Variants in ELAVL4 observed in about 807,000 individuals in gnomAD.
ELAVL4 encodes the protein ELAV-like protein 4.
In ELAVL4, 1 loss-of-function variant was observed where a neutral mutation model predicts 35.6. The observed-to-expected ratio is 0.03, with a 90% CI of 0.01 to 0.13. The LOEUF is 0.13. Among genes scored for constraint, ELAVL4 ranks in the 10% least tolerant of loss-of-function variants. The pLI, the probability that ELAVL4 is intolerant of heterozygous loss-of-function variation, is 1.00. For missense variants in ELAVL4, 267 were observed against 464.9 expected (o/e 0.57, Z 3.91); for synonymous variants, 156 against 171.0 (o/e 0.91, Z 0.69).
chr1:50,142,143 A>G (rs965146287), intron 1 of ELAVL4, among the ~76,000 whole-genome samples: 1 of 152,212 alleles, frequency 6.6e-6, no homozygotes, highest in Non-Finnish European at 1.5e-5. Flanking sequence ...TGAGGCTCAG[A>G]GTATTGAAGT....
chr1:50,171,825 G>A (rs969699546), intron 2 of ELAVL4, among the ~76,000 whole-genome samples: 9 of 152,212 alleles, frequency 5.9e-5, no homozygotes, highest in Non-Finnish European at 1.2e-4. Flanking sequence ...CTCAGAATGG[G>A]CAGTGAAGGA....
intron 1 of ELAVL4, among the ~76,000 whole-genome samples, chr1:50,127,379 A>T (rs1416997366): frequency 6.6e-6 from 1 of 152,104 alleles, no homozygotes; most frequent in African/African-American, 2.4e-5. Flanking sequence ...GAGAGAGAGG[A>T]GTTGTCTGAA....
chr1:50,194,962 G>C (rs1272109803), intron 4 of ELAVL4, among the ~76,000 whole-genome samples: 2 of 152,192 alleles, frequency 1.3e-5, no homozygotes, highest in Non-Finnish European at 2.9e-5. Context: ...CCTCAATAGG[G>C]AATTTGGGGC....
At chr1:50,145,539 T>G (rs1307981863) in intron 2 of ELAVL4, among the ~76,000 whole-genome samples, 2 of 152,206 alleles carry the variant, frequency 1.3e-5, no homozygotes, top group Non-Finnish European at 2.9e-5. Flanking sequence ...TTTTTGCTCA[T>G]GTATTCTCCT....
chr1:50,190,215 GGCGC>G (rs2148869923), intron 3 of ELAVL4, among the ~76,000 whole-genome samples: 1 of 152,286 alleles, frequency 6.6e-6, no homozygotes, highest in East Asian at 1.9e-4. Flanking sequence ...GGTTCTCCAG[GGCGC>G]TGGCTCCAGT....
chr1:50,106,258 A>G (rs1038351427), upstream of ELAVL4: 1 of 1,563,214 alleles, frequency 6.4e-7, no homozygotes, highest in Non-Finnish European at 8.7e-7. Flanking sequence ...TGTGTGGGAA[A>G]GCTGGCTGCC....
chr1:50,163,476 T>C (rs1049213674), intron 2 of ELAVL4, among the ~76,000 whole-genome samples: 2 of 152,178 alleles, frequency 1.3e-5, no homozygotes, highest in African/African-American at 4.8e-5. Context: ...TGGGATACTT[T>C]GGGATATATA....
chr1:50,146,153 AGT>A (rs1673674648), intron 2 of ELAVL4, among the ~76,000 whole-genome samples: 1 of 128,330 alleles, frequency 7.8e-6, no homozygotes, highest in Admixed American at 7.6e-5. Context: ...ACTGTCCTAG[AGT>A]TTTTTTTTTT....
chr1:50,157,888 G>C (rs1030977156), intron 2 of ELAVL4, among the ~76,000 whole-genome samples: 3 of 152,162 alleles, frequency 2.0e-5, no homozygotes, highest in Admixed American at 2.0e-4. Flanking sequence ...AAACCAGAGA[G>C]GAAGAGGAGG....
At chr1:50,136,190 A>T (rs1240043504) in intron 1 of ELAVL4, among the ~76,000 whole-genome samples, 1 of 152,174 alleles carries the variant, frequency 6.6e-6, no homozygotes, top group African/African-American at 2.4e-5. Context: ...AAGGAGCAAG[A>T]AGAGAAGTGA....
intron 2 of ELAVL4, among the ~76,000 whole-genome samples, chr1:50,153,248 G>A (rs78391284): frequency 0.023 from 3,459 of 152,288 alleles, 78 homozygotes; most frequent in Non-Finnish European, 0.031. Flanking sequence ...GTCATTGGAA[G>A]GATGGTGAAA....
At chr1:50,048,241 C>T in intron 1 of ELAVL4, 1 of 1,454,460 alleles carries the variant, frequency 6.9e-7, no homozygotes, top group Non-Finnish European at 9.1e-7. Flanking sequence ...CTGTTACGGA[C>T]ACCCGCTGGG....
chr1:50,134,802 T>C (rs1004985991), intron 1 of ELAVL4, among the ~76,000 whole-genome samples: 1 of 152,062 alleles, frequency 6.6e-6, no homozygotes, highest in Non-Finnish European at 1.5e-5. Flanking sequence ...GGAGAGTTTG[T>C]TGTAAAAGTC....
At chr1:50,051,070 T>G (rs982660983) in intron 1 of ELAVL4, among the ~76,000 whole-genome samples, 4 of 152,180 alleles carry the variant, frequency 2.6e-5, no homozygotes, top group African/African-American at 9.7e-5. Flanking sequence ...CAAAAATTAT[T>G]AATAAAATGT....
intron 2 of ELAVL4, among the ~76,000 whole-genome samples, chr1:50,152,118 A>C (rs1285249743): frequency 6.6e-6 from 1 of 152,054 alleles, no homozygotes; most frequent in African/African-American, 2.4e-5. Context: ...CTTCTGACAC[A>C]ATTTTTTCCC....
intron 1 of ELAVL4, among the ~76,000 whole-genome samples, chr1:50,096,303 G>A (rs909496191): frequency 6.6e-6 from 1 of 151,112 alleles, no homozygotes; most frequent in Non-Finnish European, 1.5e-5. Context: ...GAAAGAACAA[G>A]CTAGTATGAA....
At chr1:50,159,938 G>A (rs951602951) in intron 2 of ELAVL4, among the ~76,000 whole-genome samples, 1 of 152,138 alleles carries the variant, frequency 6.6e-6, no homozygotes, top group Non-Finnish European at 1.5e-5. Flanking sequence ...ACTCCCAGGA[G>A]GAACAGAAAA....
At chr1:50,190,441 T>C (rs1682497436) in intron 3 of ELAVL4, among the ~76,000 whole-genome samples, 1 of 152,224 alleles carries the variant, frequency 6.6e-6, no homozygotes, top group Admixed American at 6.5e-5. Flanking sequence ...CAGGAAGATC[T>C]TTTTTCTGTC....
At chr1:50,084,555 G>T (rs757104119) in intron 1 of ELAVL4, among the ~76,000 whole-genome samples, 2 of 151,810 alleles carry the variant, frequency 1.3e-5, no homozygotes, top group Non-Finnish European at 2.9e-5. Context: ...ATATGGCTCT[G>T]CCTCCCTCCC....
Sources: allele counts gnomAD v4.1 joint callset (sites outside exome capture counted in the v4.1 genomes callset), GRCh38; gene constraint gnomAD v4.1.1; transcripts MANE v1.5; gene names NCBI Gene and HGNC (gene_info 2026-07-23, HGNC 2026-07-21).